MACROD2: variants seen among roughly 807,000 people sequenced by gnomAD.
MACROD2 encodes mono-ADP ribosylhydrolase 2, also known as ADP-ribose glycohydrolase MACROD2.
MACROD2 carries 36 observed loss-of-function variants against 70.4 expected under a neutral mutation model. The ratio of observed to expected loss-of-function variants is 0.51; its 90% CI spans 0.39 to 0.68. MACROD2 has a LOEUF of 0.68. MACROD2 is among the 30% of genes least tolerant of loss of function. The pLI is 0.00. For missense variants in MACROD2, 496 were observed against 538.4 expected, an observed-to-expected ratio of 0.92 and a Z score of 0.78; for synonymous variants, 172 against 178.8, an observed-to-expected ratio of 0.96 and a Z score of 0.30.
intron 8 of MACROD2, among the ~76,000 whole-genome samples, chr20:15,742,562 T>C (rs1432826388): frequency 3.3e-5 from 5 of 152,168 alleles, no homozygotes; most frequent in Non-Finnish European, 7.4e-5. Flanking sequence ...CATGTGTATG[T>C]CTGTATCTTC....
At chr20:15,613,593 T>A (rs1400772250) in intron 8 of MACROD2, among the ~76,000 whole-genome samples, 4 of 152,214 alleles carry the variant, frequency 2.6e-5, no homozygotes, top group Admixed American at 2.6e-4. Flanking sequence ...ATCATCCCAT[T>A]AAAGCTTTAC....
At chr20:15,163,416 G>C (rs979787562) in intron 5 of MACROD2, among the ~76,000 whole-genome samples, 1 of 151,934 alleles carries the variant, frequency 6.6e-6, no homozygotes, top group Non-Finnish European at 1.5e-5. Context: ...AAATGAACAA[G>C]TCTATAATTT....
At chr20:15,407,739 A>C (rs2146319235) in intron 6 of MACROD2, among the ~76,000 whole-genome samples, 1 of 152,324 alleles carries the variant, frequency 6.6e-6, no homozygotes, top group South Asian at 2.1e-4. Flanking sequence ...TTGAGAATTA[A>C]ATGAATACTA....
At chr20:14,580,077 A>AT (rs1236811016) in intron 4 of MACROD2, among the ~76,000 whole-genome samples, 1 of 152,218 alleles carries the variant, frequency 6.6e-6, no homozygotes, top group Admixed American at 6.5e-5. Context: ...GCTAAGTAGA[A>AT]TTTTTCAAAG....
intron 4 of MACROD2, among the ~76,000 whole-genome samples, chr20:14,542,460 T>C (rs894414542): frequency 4.6e-5 from 7 of 152,244 alleles, no homozygotes; most frequent in Admixed American, 6.5e-5. Context: ...CATAACTTAA[T>C]GTTCTATGTA....
chr20:15,371,756 A>G (rs539827467), intron 6 of MACROD2, among the ~76,000 whole-genome samples: 1 of 152,314 alleles, frequency 6.6e-6, no homozygotes, highest in Non-Finnish European at 1.5e-5. Context: ...AGCACCTAGA[A>G]TGGATTTATT....
At chr20:14,917,949 G>A (rs1255439049) in intron 5 of MACROD2, among the ~76,000 whole-genome samples, 1 of 152,012 alleles carries the variant, frequency 6.6e-6, no homozygotes, top group Non-Finnish European at 1.5e-5. Context: ...GGTCACAAGG[G>A]TAATGCGGTA....
At chr20:14,261,116 C>G (rs1209929945) in intron 3 of MACROD2, among the ~76,000 whole-genome samples, 1 of 152,108 alleles carries the variant, frequency 6.6e-6, no homozygotes, top group Non-Finnish European at 1.5e-5. Flanking sequence ...AGTATAATTC[C>G]TCAGAGATTG....
chr20:15,036,297 A>G (rs1373130342), intron 5 of MACROD2, among the ~76,000 whole-genome samples: 2 of 152,176 alleles, frequency 1.3e-5, no homozygotes, highest in Non-Finnish European at 2.9e-5. Context: ...TGACCAGTCG[A>G]TAATCCATAA....
chr20:15,753,637 T>C (rs1381320267), intron 8 of MACROD2, among the ~76,000 whole-genome samples: 1 of 152,218 alleles, frequency 6.6e-6, no homozygotes, highest in Non-Finnish European at 1.5e-5. Context: ...TACCAAGTAA[T>C]AGGATTGCTG....
chr20:14,978,275 G>T (rs924535711), intron 5 of MACROD2, among the ~76,000 whole-genome samples: 1 of 152,088 alleles, frequency 6.6e-6, no homozygotes, highest in Non-Finnish European at 1.5e-5. Flanking sequence ...TATCTATTCA[G>T]TACTAAATTA....
intron 5 of MACROD2, among the ~76,000 whole-genome samples, chr20:14,994,916 A>T (rs1266367610): frequency 1.3e-5 from 2 of 152,128 alleles, no homozygotes; most frequent in African/African-American, 2.4e-5. Flanking sequence ...AGGAAGGAGG[A>T]TTACTTGAGC....
chr20:15,356,952 A>G (rs536044485), intron 6 of MACROD2, among the ~76,000 whole-genome samples: 1 of 152,250 alleles, frequency 6.6e-6, no homozygotes, highest in Non-Finnish European at 1.5e-5. Flanking sequence ...AATTCAGAAT[A>G]TAACAAACTT....
chr20:15,701,907 C>T (rs910818559), intron 8 of MACROD2, among the ~76,000 whole-genome samples: 4 of 152,182 alleles, frequency 2.6e-5, no homozygotes, highest in Non-Finnish European at 5.9e-5. Context: ...TAACTGAGAA[C>T]ATGTGGTATT....
intron 5 of MACROD2, among the ~76,000 whole-genome samples, chr20:14,701,820 G>C (rs927623776): frequency 6.6e-6 from 1 of 152,108 alleles, no homozygotes; most frequent in African/African-American, 2.4e-5. Context: ...TGGTGTGATA[G>C]GCACTGTTCA....
In MACROD2 at chr20:14,590,100, A is replaced by G. The variant is rs111281377; in HGVS notation, c.302-94743A>G. Among the ~76,000 whole-genome samples, 177 of 152,254 alleles carry G rather than the reference A, an allele frequency of 1.2e-3. 1 individual carries two copies. Among genetic ancestry groups the G allele is most frequent in the African/African-American group, 4.1e-3 (170 of 41,556 alleles). On this transcript the variant is annotated intron_variant, in intron 4 of 17. Coordinates refer to ENST00000684519, the MANE Select transcript of MACROD2 (RefSeq NM_001351661.2). ...ATATTTTTAATATTTAATAATCTAT[A>G]TCTTTTGGTAACTCTTGAGCTATTT...
Position 15,057,119 on chromosome 20 carries a change from G to A in MACROD2, c.419-172821G>A, listed in dbSNP as rs573488545. On this transcript the variant is annotated intron_variant, in intron 5 of 17. Transcript: ENST00000684519. ...TACCATATATATTTTTTAAAAAAGT[G>A]TGTGTGATAGCTTTATATGATATCA... is the stretch of plus-strand genomic sequence containing the variant. Among the ~76,000 whole-genome samples the A allele has an allele frequency of 1.4e-4, 21 of 152,276 alleles. No homozygotes were observed. In the South Asian group the frequency reaches 4.3e-3, roughly 32 times the overall value.
chr20:14,802,777 TACACACACAC>T (rs11468914), intron 5 of MACROD2, among the ~76,000 whole-genome samples: 2 of 148,326 alleles, frequency 1.3e-5, no homozygotes, highest in African/African-American at 2.5e-5. Flanking sequence ...CATACACACA[TACACACACAC>T]ACACACACAC....
chr20:14,297,098 A>G lies in MACROD2; in HGVS notation c.272-196381A>G, dbSNP rs117756963. ...AAATTGCCGTGAACTGAGCACATAT[A>G]AGATGGCAAACTTAATCAATAAATG... On this transcript the variant is annotated intron_variant, in intron 3 of 17. Transcript: ENST00000684519. Among the ~76,000 whole-genome samples, 756 of 151,984 alleles carry G rather than the reference A, an allele frequency of 5.0e-3. 6 individuals are homozygous for G. Among genetic ancestry groups the G allele is most frequent in the South Asian group, 9.3e-3 (45 of 4,826 alleles).
Sources: gnomAD v4.1 joint callset for allele counts (sites outside exome capture counted in the v4.1 genomes callset) on GRCh38, gnomAD v4.1.1 for gene constraint, MANE v1.5 for transcripts, NCBI Gene and HGNC (gene_info 2026-07-23, HGNC 2026-07-21) for gene names.